Variants in MEIS2 observed in about 807,000 individuals in gnomAD.
MEIS2 encodes the protein Meis homeobox 2.
A neutral mutation model predicts 58.6 loss-of-function variants in MEIS2; 9 were observed. The ratio of observed to expected loss-of-function variants is 0.15; its 90% confidence interval spans 0.09 to 0.27. The LOEUF (loss-of-function observed/expected upper bound fraction) is 0.27. Among genes scored for constraint, MEIS2 ranks in the 10% least tolerant of loss-of-function variants. The pLI is 1.00. For missense variants in MEIS2, 427 were observed against 635.0 expected, an observed-to-expected ratio of 0.67 and a Z score of 3.52; for synonymous variants, 221 against 228.4, an observed-to-expected ratio of 0.97 and a Z score of 0.29.
intron 9 of MEIS2, among the ~76,000 whole-genome samples, chr15:36,911,934 T>C (rs935567796): frequency 3.9e-5 from 6 of 152,226 alleles, no homozygotes; most frequent in African/African-American, 1.4e-4. Context: ...CATTATGGGC[T>C]TTTCCTTCTG....
intron 8 of MEIS2, among the ~76,000 whole-genome samples, chr15:36,955,717 C>T (rs185376200): frequency 9.9e-5 from 15 of 152,218 alleles, no homozygotes; most frequent in African/African-American, 3.4e-4. Context: ...AGTAAAAATC[C>T]TTTGCTATTC....
chr15:36,968,114 CTT>C (rs1198857940), intron 8 of MEIS2, among the ~76,000 whole-genome samples: 1 of 152,164 alleles, frequency 6.6e-6, no homozygotes, highest in Non-Finnish European at 1.5e-5. Flanking sequence ...AGAAACAACT[CTT>C]TTGTGTTAAG....
At chr15:37,014,902 C>G (rs545294678) in intron 8 of MEIS2, among the ~76,000 whole-genome samples, 2 of 150,292 alleles carry the variant, frequency 1.3e-5, no homozygotes, top group South Asian at 4.2e-4. Flanking sequence ...TGGACCTGAA[C>G]AGATTGGGAT....
intron 8 of MEIS2, among the ~76,000 whole-genome samples, chr15:36,971,553 A>AAAAAAAAAAAAAAAAAAAAAAAAAAAG (rs1555438306): frequency 5.3e-5 from 7 of 132,064 alleles, no homozygotes; most frequent in Admixed American, 2.3e-4. Context: ...AAAAAAAAAA[A>AAAAAAAAAAAAAAAAAAAAAAAAAAAG]AAAAAAAAAA....
At chr15:37,020,834 C>A (rs1436553801) in intron 8 of MEIS2, among the ~76,000 whole-genome samples, 1 of 151,794 alleles carries the variant, frequency 6.6e-6, no homozygotes, top group Non-Finnish European at 1.5e-5. Context: ...TTATGTTTGT[C>A]CTAAAATATT....
intron 7 of MEIS2, among the ~76,000 whole-genome samples, chr15:37,055,702 T>C (rs1888306113): frequency 1.3e-5 from 2 of 152,218 alleles, no homozygotes; most frequent in South Asian, 4.1e-4. Flanking sequence ...TAAGGTTCAC[T>C]AAGTACGGAA....
intron 8 of MEIS2, among the ~76,000 whole-genome samples, chr15:36,965,319 A>G (rs1041881565): frequency 1.3e-5 from 2 of 152,236 alleles, no homozygotes; most frequent in Non-Finnish European, 2.9e-5. Context: ...CAACTTACAG[A>G]TAAAATAATT....
At chr15:37,058,241 T>C (rs28722916) in intron 7 of MEIS2, among the ~76,000 whole-genome samples, 11,526 of 152,254 alleles carry the variant, frequency 0.076, 490 homozygotes, top group African/African-American at 0.11. Flanking sequence ...GCCCACGAGC[T>C]GGTAGGGAGA....
chr15:37,096,424 C>G lies in MEIS2; in HGVS notation c.252G>C (p.Pro84=), dbSNP rs755109075. Reference sequence around the variant, plus strand: ...AGACCAGAGCTAACAGAGGAAACAACGGGTGCCTAACGGGCAGCGCCACGC... The same window carrying G: ...AGACCAGAGCTAACAGAGGAAACAAGGGGTGCCTAACGGGCAGCGCCACGC... The part of the protein sequence containing the change: ...KRDKDAIYGH[P]LFPLLALVFE... Residue 84 remains proline (P), a synonymous_variant, in exon 3 of 12, where the codon CCG becomes CCC. Transcript: ENST00000561208. 2 of 1,612,872 alleles carry G rather than the reference C, an allele frequency of 1.2e-6. No individual in the cohort carries two copies. Among genetic ancestry groups the G allele is most frequent in the Non-Finnish European group, 1.7e-6 (2 of 1,179,348 alleles).
At chr15:36,961,868 C>G (rs2059195132) in intron 8 of MEIS2, among the ~76,000 whole-genome samples, 1 of 152,088 alleles carries the variant, frequency 6.6e-6, no homozygotes, top group Non-Finnish European at 1.5e-5. Flanking sequence ...AAAGCAATAG[C>G]TATTTCTTAT....
chr15:36,916,166 G>A (rs922014301), intron 9 of MEIS2, among the ~76,000 whole-genome samples: 5 of 150,958 alleles, frequency 3.3e-5, no homozygotes, highest in African/African-American at 7.3e-5. Flanking sequence ...AGTGGCTCAC[G>A]CCTGTAATCC....
intron 8 of MEIS2, among the ~76,000 whole-genome samples, chr15:37,015,312 C>T (rs186076692): frequency 1.8e-4 from 28 of 152,290 alleles, no homozygotes; most frequent in Middle Eastern, 3.4e-3. Flanking sequence ...AGTGATTATG[C>T]GGGTTGCTGG....
intron 1 of MEIS2, 71 bp downstream of exon 1, chr15:37,099,384 A>C: frequency 6.2e-7 from 1 of 1,603,914 alleles, no homozygotes; most frequent in Non-Finnish European, 8.5e-7. Context: ...TTGAAGGGAG[A>C]GGAGGCATCG....
chr15:37,099,708 T>C lies in MEIS2; in HGVS notation c.-242A>G, dbSNP rs1894868621. The C allele has an allele frequency of 5.0e-6, 2 of 402,904 alleles. No homozygotes were observed. Among genetic ancestry groups the C allele is most frequent in the African/African-American group, 2.1e-5 (1 of 48,106 alleles). The allele number at this position is 402,904 out of a possible 1,614,324, so 25.0% of individuals were successfully genotyped here. A position where few individuals can be genotyped will look rare whatever the true frequency, so the allele number is the denominator to read the frequency against. ...CCTCTTCTTCCTCCTCCTCCTGATCTTCCTCCTCCTCCTCCACCTCCTCCT... is the reference window on the plus strand; with the variant it reads ...CCTCTTCTTCCTCCTCCTCCTGATCCTCCTCCTCCTCCTCCACCTCCTCCT... On this transcript the variant is annotated 5_prime_UTR_variant, in exon 1 of 12. Coordinates refer to ENST00000561208, the MANE Select transcript of MEIS2 (RefSeq NM_170675.5).
At position 36,892,414 on chromosome 15, in the gene MEIS2, ATAGGACCACC is replaced by A; in HGVS notation, c.1183_1192del (p.Gly395TrpfsTer3). On this transcript the variant is annotated frameshift_variant, in exon 12 of 12. Transcript: ENST00000561208. LOFTEE classifies it high-confidence loss of function. Reference sequence around the variant, plus strand: ...ACTTGGCTGTGCCATACTCATTCCCATAGGACCACCCTGAGAAACGTAGTCCCCTGGCATG... The same window carrying A: ...ACTTGGCTGTGCCATACTCATTCCCACTGAGAAACGTAGTCCCCTGGCATG... 6.2e-7 allele frequency: 1 copy of A among 1,614,036 alleles called. No individual in the cohort carries two copies. The highest frequency in any genetic ancestry group is 8.5e-7 in the Non-Finnish European group (1 of 1,179,990).
chr15:36,974,333 C>T (rs1332625651), intron 8 of MEIS2, among the ~76,000 whole-genome samples: 1 of 152,094 alleles, frequency 6.6e-6, no homozygotes, highest in African/African-American at 2.4e-5. Flanking sequence ...CAGAAGTTGA[C>T]CCCAGTAAGA....
At chr15:37,010,530 A>T (rs191534193) in intron 8 of MEIS2, among the ~76,000 whole-genome samples, 247 of 152,172 alleles carry the variant, frequency 1.6e-3, no homozygotes, top group Middle Eastern at 3.4e-3. Context: ...CTACAGACGC[A>T]TGCCACCATG....
At chr15:36,970,831 A>C (rs146630788) in intron 8 of MEIS2, among the ~76,000 whole-genome samples, 3 of 152,190 alleles carry the variant, frequency 2.0e-5, no homozygotes, top group African/African-American at 7.2e-5. Context: ...GGAGAAAGCA[A>C]TTAAAGCTTT....
At chr15:36,914,604 G>A (rs1056826190) in intron 9 of MEIS2, among the ~76,000 whole-genome samples, 1 of 152,166 alleles carries the variant, frequency 6.6e-6, no homozygotes, top group Non-Finnish European at 1.5e-5. Context: ...GAGGCCTGGA[G>A]AATAAAACCA....
Sources: allele counts gnomAD v4.1 joint callset (sites outside exome capture counted in the v4.1 genomes callset), GRCh38; gene constraint gnomAD v4.1.1; transcripts MANE v1.5; gene names NCBI Gene and HGNC (gene_info 2026-07-23, HGNC 2026-07-21).